Variants in SMAP1 observed in about 807,000 individuals in gnomAD.
SMAP1 encodes the protein small ArfGAP 1.
A neutral mutation model predicts 58.5 loss-of-function variants in SMAP1; 24 were observed. The observed-to-expected ratio is 0.41, with a 90% confidence interval of 0.30 to 0.58. The LOEUF (loss-of-function observed/expected upper bound fraction) is 0.58, where lower values mean the gene tolerates loss of function less well. Ranked by LOEUF, SMAP1 falls within the 20% of genes least tolerant of loss-of-function variation. The pLI is 0.29. For synonymous variants in SMAP1, 216 were observed against 196.6 expected, an observed-to-expected ratio of 1.10 and a Z score of -0.82; for missense variants, 563 against 566.3, an observed-to-expected ratio of 0.99 and a Z score of 0.06.
rs184243761 is a variant in SMAP1 at position 70,780,179 on chromosome 6, G to A, written c.414+6754G>A. ...TATACCAGGGGGTGGAAATTTTAGT[G>A]GCTGTCAGAATTCTGCCTACTATGG... On this transcript the variant is annotated intron_variant, in intron 4 of 10. Transcript: ENST00000370455. 3.6e-4 allele frequency among the ~76,000 whole-genome samples: 55 copies of A among 152,252 alleles called. No homozygotes were observed. The East Asian group carries it at 9.8e-3, about 27-fold the overall frequency.
At chr6:70,790,140 TTTTA>T (rs1234656242) in intron 4 of SMAP1, among the ~76,000 whole-genome samples, 4 of 152,176 alleles carry the variant, frequency 2.6e-5, no homozygotes, top group African/African-American at 9.7e-5. Flanking sequence ...TTTTTATTCT[TTTTA>T]TTTTTTATTT....
chr6:70,708,573 T>A (rs766256445), intron 1 of SMAP1, among the ~76,000 whole-genome samples: 5 of 152,200 alleles, frequency 3.3e-5, no homozygotes, highest in Non-Finnish European at 7.3e-5. Flanking sequence ...CCAATTTACA[T>A]TCATACCAAT....
chr6:70,710,082 A>G (rs1272500552), intron 1 of SMAP1, among the ~76,000 whole-genome samples: 1 of 152,176 alleles, frequency 6.6e-6, no homozygotes, highest in Non-Finnish European at 1.5e-5. Flanking sequence ...TATTGCTCCT[A>G]GGCGACAAAC....
intron 1 of SMAP1, among the ~76,000 whole-genome samples, chr6:70,679,574 A>G (rs915218659): frequency 3.9e-5 from 6 of 152,272 alleles, no homozygotes; most frequent in Non-Finnish European, 4.4e-5. Context: ...GTAACTCTAT[A>G]TACTAGCAAC....
intron 3 of SMAP1, among the ~76,000 whole-genome samples, chr6:70,758,399 T>C (rs896516749): frequency 1.1e-4 from 16 of 143,220 alleles, no homozygotes; most frequent in Admixed American, 6.2e-4. Flanking sequence ...AGGGATAGCA[T>C]TGGGAGATAT....
intron 6 of SMAP1, among the ~76,000 whole-genome samples, chr6:70,835,408 A>T (rs1562194026): frequency 6.6e-6 from 1 of 152,196 alleles, no homozygotes; most frequent in East Asian, 1.9e-4. Context: ...CAAAAAATGA[A>T]CTCATGTAAC....
chr6:70,849,207 A>G (rs1290208226), intron 7 of SMAP1, among the ~76,000 whole-genome samples: 4 of 152,156 alleles, frequency 2.6e-5, no homozygotes, highest in African/African-American at 9.7e-5. Flanking sequence ...TCCTTAATCA[A>G]TTGAAAACAG....
intron 1 of SMAP1, among the ~76,000 whole-genome samples, chr6:70,715,100 T>C (rs1264303181): frequency 9.8e-6 from 1 of 101,546 alleles, no homozygotes; most frequent in Non-Finnish European, 1.8e-5. Context: ...TTTTTTTTTT[T>C]TCCTTTTTTT....
chr6:70,783,363 A>C (rs1007712115), intron 4 of SMAP1, among the ~76,000 whole-genome samples: 1 of 152,222 alleles, frequency 6.6e-6, no homozygotes, highest in African/African-American at 2.4e-5. Flanking sequence ...AAAACAGAGC[A>C]GAAAAACTGG....
At chr6:70,821,358 T>C (rs531432115) in intron 6 of SMAP1, among the ~76,000 whole-genome samples, 11 of 152,280 alleles carry the variant, frequency 7.2e-5, no homozygotes, top group African/African-American at 2.4e-4. Context: ...TATTCTGCTG[T>C]TAGTGGACAT....
intron 1 of SMAP1, among the ~76,000 whole-genome samples, chr6:70,713,219 C>T (rs1768130635): frequency 6.6e-6 from 1 of 152,112 alleles, no homozygotes; most frequent in African/African-American, 2.4e-5. Context: ...CAACAACCAA[C>T]TCTTAGTTTT....
At position 70,856,957 on chromosome 6, in the gene SMAP1, A is replaced by G; in HGVS notation, c.888A>G (p.Ala296=). The G allele has an allele frequency of 6.2e-7, 1 of 1,614,036 alleles. No individual in the cohort carries two copies. The highest frequency in any genetic ancestry group is 8.5e-7 in the Non-Finnish European group (1 of 1,179,908). The change falls in exon 9 of 11, where the codon GCA becomes GCG. Residue 296 remains alanine (A), a synonymous_variant. Coordinates refer to ENST00000370455, the MANE Select transcript of SMAP1 (RefSeq NM_001044305.3). ...TEQTTKSEEV[A]KKQLSKDSIL... is the part of the protein sequence containing the mutation. ...AAACTACAAAATCAGAAGAAGTGGC[A>G]AAGAAACAACTTTCCAAAGACTCCA...
chr6:70,695,005 T>A (rs1414239174), intron 1 of SMAP1, among the ~76,000 whole-genome samples: 1 of 152,214 alleles, frequency 6.6e-6, no homozygotes, highest in Non-Finnish European at 1.5e-5. Flanking sequence ...ACTGTGGAGA[T>A]CTTCCATTTC....
intron 3 of SMAP1, among the ~76,000 whole-genome samples, chr6:70,763,496 T>C (rs1321551785): frequency 6.6e-6 from 1 of 152,192 alleles, no homozygotes; most frequent in Non-Finnish European, 1.5e-5. Flanking sequence ...ACACCTACAG[T>C]AGCTTCTAAG....
intron 5 of SMAP1, among the ~76,000 whole-genome samples, chr6:70,793,026 A>G (rs1768434805): frequency 6.6e-6 from 1 of 151,328 alleles, no homozygotes; most frequent in Non-Finnish European, 1.5e-5. Flanking sequence ...TAATTTTTAA[A>G]TTTTATTTTA....
intron 1 of SMAP1, among the ~76,000 whole-genome samples, chr6:70,715,847 C>T (rs1310339363): frequency 6.6e-6 from 1 of 152,076 alleles, no homozygotes; most frequent in Non-Finnish European, 1.5e-5. Context: ...ATCACTCGAG[C>T]ACTAAACCCA....
chr6:70,712,208 C>T (rs956810652), intron 1 of SMAP1, among the ~76,000 whole-genome samples: 12 of 152,168 alleles, frequency 7.9e-5, no homozygotes, highest in African/African-American at 2.7e-4. Flanking sequence ...TTGTATCATT[C>T]ATTCTGTTAA....
chr6:70,668,822 C>A, intron 1 of SMAP1: 1 of 1,290,394 alleles, frequency 7.7e-7, no homozygotes. Flanking sequence ...AATTTCATTA[C>A]ATGAGTCTCT....
chr6:70,834,552 T>C (rs558569448), intron 6 of SMAP1, among the ~76,000 whole-genome samples: 1 of 152,320 alleles, frequency 6.6e-6, no homozygotes, highest in South Asian at 2.1e-4. Context: ...CAAATTAAAA[T>C]AGGGATTAGA....
Sources: gnomAD v4.1 joint callset for allele counts (sites outside exome capture counted in the v4.1 genomes callset) on GRCh38, gnomAD v4.1.1 for gene constraint, MANE v1.5 for transcripts, NCBI Gene and HGNC (gene_info 2026-07-23, HGNC 2026-07-21) for gene names.